Variants in PEAK1 observed in about 807,000 individuals in gnomAD.
PEAK1 encodes inactive tyrosine-protein kinase PEAK1.
In PEAK1, 54 loss-of-function variants were observed where a neutral mutation model predicts 124.7. The observed-to-expected ratio is 0.43, with a 90% CI of 0.35 to 0.54. The LOEUF (loss-of-function observed/expected upper bound fraction) is 0.54, where lower values mean the gene tolerates loss of function less well. PEAK1 is among the 20% of genes least tolerant of loss of function. PEAK1 has a pLI of 0.01. For synonymous variants in PEAK1, 719 were observed against 760.0 expected (o/e 0.95, Z 0.89); for missense variants, 2,046 against 2,134.5 (o/e 0.96, Z 0.82).
At chr15:77,166,962 C>T (rs1279097154) in intron 7 of PEAK1, among the ~76,000 whole-genome samples, 1 of 152,132 alleles carries the variant, frequency 6.6e-6, no homozygotes, top group Non-Finnish European at 1.5e-5. Context: ...ATTGCAGGTT[C>T]TCAGCTCCCA....
chr15:77,213,395 T>G (rs2058994801), intron 6 of PEAK1, among the ~76,000 whole-genome samples: 2 of 152,170 alleles, frequency 1.3e-5, no homozygotes, highest in Middle Eastern at 3.4e-3. Context: ...AATAAAGGTT[T>G]TGAAAACAGA....
chr15:77,420,743 G>A (rs1177048860), upstream of PEAK1: 7 of 396,732 alleles, frequency 1.8e-5, no homozygotes, highest in African/African-American at 1.2e-4. Context: ...TGAAGGTACC[G>A]TGGAAAATAT....
chr15:77,367,492 C>CA (rs1430287801), intron 1 of PEAK1, among the ~76,000 whole-genome samples: 24 of 152,128 alleles, frequency 1.6e-4, no homozygotes, highest in African/African-American at 5.6e-4. Flanking sequence ...CAAAACCCCT[C>CA]AAACTGTACT....
chr15:77,392,383 G>C (rs899829256), intron 1 of PEAK1, among the ~76,000 whole-genome samples: 3 of 152,082 alleles, frequency 2.0e-5, no homozygotes, highest in Non-Finnish European at 2.9e-5. Context: ...GTAAAATATA[G>C]CAAGAGAACA....
chr15:77,114,787 C>T lies in PEAK1; in HGVS notation c.4610G>A (p.Gly1537Glu). ...YQPGGTAQGF[G>E]PAEPSPTSSY... is the part of the protein sequence containing the mutation. Reference sequence around the variant, plus strand: ...TGAGGTGGGGCTGGGCTCTGCAGGCCCAAAGCCTTGGGCAGTCCCCCCAGG... The same window carrying T: ...TGAGGTGGGGCTGGGCTCTGCAGGCTCAAAGCCTTGGGCAGTCCCCCCAGG... Residue 1537 changes from glycine to glutamate, a missense_variant, in exon 10 of 10, where the codon GGG becomes GAG. Gly to Glu is a moderately conservative substitution (Grantham distance 98). Coordinates refer to ENST00000682557, the MANE Select transcript of PEAK1 (RefSeq NM_001385026.1). 1 of 1,612,848 alleles carries T rather than the reference C, an allele frequency of 6.2e-7. No homozygotes were observed.
At chr15:77,293,859 G>A (rs1216609830) in intron 2 of PEAK1, among the ~76,000 whole-genome samples, 3 of 151,984 alleles carry the variant, frequency 2.0e-5, no homozygotes, top group Non-Finnish European at 4.4e-5. Context: ...TAAAAAACAG[G>A]GCATTATTTT....
Position 77,179,612 on chromosome 15 carries a change from G to A in PEAK1, c.2315C>T (p.Ala772Val). The A allele has an allele frequency of 6.2e-7, 1 of 1,614,162 alleles. No individual in the cohort carries two copies. Among genetic ancestry groups the A allele is most frequent in the Non-Finnish European group, 8.5e-7 (1 of 1,180,020 alleles). The change falls in exon 7 of 10, where the codon GCT (alanine) becomes GTT (valine). Residue 772 changes from alanine to valine, a missense_variant. Physicochemically the swap from Ala to Val is moderately conservative, Grantham distance 64. Transcript: ENST00000682557. ...KASTVLSQIV[A>V]SIQPPQSPPE... ...AGGAGACTGTGGGGGTTGGATTGAA[G>A]CCACAATCTGAGAAAGCACTGTGCT...
chr15:77,296,869 A>G (rs2152986243), intron 2 of PEAK1, among the ~76,000 whole-genome samples: 1 of 151,874 alleles, frequency 6.6e-6, no homozygotes, highest in South Asian at 2.1e-4. Flanking sequence ...GAACGAGACA[A>G]AGGAGGGACA....
chr15:77,109,240 G>C lies in PEAK1; in HGVS notation c.*4916C>G, dbSNP rs528225036. On this transcript the variant is annotated 3_prime_UTR_variant, in exon 10 of 10. Transcript: ENST00000682557. Reference sequence around the variant, plus strand: ...AGCTGAGGTTTGGGCAATAGCCACAGTCATGTCAAGGGGACATGGAAGAGA... The same window carrying C: ...AGCTGAGGTTTGGGCAATAGCCACACTCATGTCAAGGGGACATGGAAGAGA... 5.9e-5 allele frequency: 9 copies of C among 152,322 alleles called. 1 individual carries two copies. The South Asian group carries it at 1.7e-3, about 28-fold the overall frequency. 9.4% of individuals were successfully genotyped at this position (152,322 alleles called of 1,614,324 possible). A position where few individuals can be genotyped will look rare whatever the true frequency, so the allele number is the denominator to read the frequency against.
chr15:77,236,268 G>A (rs1271513252), intron 6 of PEAK1, among the ~76,000 whole-genome samples: 3 of 152,166 alleles, frequency 2.0e-5, no homozygotes, highest in Non-Finnish European at 2.9e-5. Flanking sequence ...CAGCTGGGAC[G>A]GGGACTGTAC....
chr15:77,167,517 G>A (rs772877449), intron 7 of PEAK1, among the ~76,000 whole-genome samples: 6 of 152,184 alleles, frequency 3.9e-5, no homozygotes, highest in Non-Finnish European at 4.4e-5. Flanking sequence ...AAATGTGTCA[G>A]CAAATGTAGA....
chr15:77,179,931 C>T lies in PEAK1; in HGVS notation c.1996G>A (p.Glu666Lys). 6.2e-7 allele frequency: 1 copy of T among 1,614,112 alleles called. No individual in the cohort carries two copies. Among genetic ancestry groups the T allele is most frequent in the Non-Finnish European group, 8.5e-7 (1 of 1,179,994 alleles). Residue 666 changes from glutamate to lysine, a missense_variant, in exon 7 of 10, where the codon GAA becomes AAA. Coordinates refer to ENST00000682557, the MANE Select transcript of PEAK1 (RefSeq NM_001385026.1). ...ACTTTGCTTTCTGTTTCTATTTCTTCATAAGTATGGCTTATTACACTTGTG... is the reference window on the plus strand; with the variant it reads ...ACTTTGCTTTCTGTTTCTATTTCTTTATAAGTATGGCTTATTACACTTGTG... ...KTTSVISHTY[E>K]EIETESKVPD...
At chr15:77,273,896 C>G (rs2062168257) in intron 5 of PEAK1, among the ~76,000 whole-genome samples, 1 of 152,076 alleles carries the variant, frequency 6.6e-6, no homozygotes, top group African/African-American at 2.4e-5. Flanking sequence ...AGGCCATAGT[C>G]ACCAAAACAG....
intron 9 of PEAK1, among the ~76,000 whole-genome samples, chr15:77,129,027 C>T (rs539820157): frequency 3.5e-4 from 54 of 152,134 alleles, no homozygotes; most frequent in Admixed American, 7.9e-4. Flanking sequence ...TGAGACAGTA[C>T]CTACAAAGAG....
chr15:77,223,886 A>ATTTTTTTTTTTTTTTTTTTTT (rs10719377), intron 6 of PEAK1, among the ~76,000 whole-genome samples: 1 of 121,608 alleles, frequency 8.2e-6, no homozygotes, highest in Non-Finnish European at 1.7e-5. Context: ...CATTTGAGAG[A>ATTTTTTTTTTTTTTTTTTTTT]TTTTTTTTTT....
At chr15:77,124,661 C>G (rs779396095) in intron 9 of PEAK1, among the ~76,000 whole-genome samples, 1 of 152,198 alleles carries the variant, frequency 6.6e-6, no homozygotes, top group African/African-American at 2.4e-5. Context: ...TCCTTGCTTC[C>G]AGTCCTTCTG....
rs544147987 is a variant in PEAK1, at chr15:77,337,554, G to C, written c.-603+27609C>G. On this transcript the variant is annotated intron_variant, in intron 2 of 9. Transcript: ENST00000682557. ...ACAGAAGATAAGATGTAGTCTGGCA[G>C]AGATTCCACACCAACAGAATTTTTA... is the stretch of plus-strand genomic sequence containing the variant. The C allele has an allele frequency of 6.1e-6, 6 of 984,930 alleles. No individual in the cohort carries two copies. The East Asian group carries it at 3.4e-4, about 56-fold the overall frequency. The allele number at this position is 984,930 out of a possible 1,614,324, so 61.0% of individuals were successfully genotyped here. A position where few individuals can be genotyped will look rare whatever the true frequency, so the allele number is the denominator to read the frequency against.
Position 77,115,197 on chromosome 15 carries a change from G to A in PEAK1, c.4200C>T (p.Asn1400=). The A allele has an allele frequency of 6.2e-7, 1 of 1,614,194 alleles. No homozygotes were observed. The highest frequency in any genetic ancestry group is 8.5e-7 in the Non-Finnish European group (1 of 1,180,040). The change falls in exon 10 of 10, where the codon AAC becomes AAT. Residue 1400 remains asparagine (N), a synonymous_variant. Coordinates refer to ENST00000682557, the MANE Select transcript of PEAK1 (RefSeq NM_001385026.1). ...DCGHFLAEVP[N]RLLPWEDPDD... ...CTGGATCCTCCCAGGGAAGCAGACG[G>A]TTAGGGACTTCAGCAAGGAAATGAC...
At chr15:77,387,824 C>T (rs796905082) in intron 1 of PEAK1, among the ~76,000 whole-genome samples, 38 of 152,234 alleles carry the variant, frequency 2.5e-4, no homozygotes, top group African/African-American at 8.7e-4. Flanking sequence ...GGAAGAACTA[C>T]CAGACTTGGT....
Sources: gnomAD v4.1 joint callset for allele counts (sites outside exome capture counted in the v4.1 genomes callset) on GRCh38, gnomAD v4.1.1 for gene constraint, MANE v1.5 for transcripts, NCBI Gene and HGNC (gene_info 2026-07-23, HGNC 2026-07-21) for gene names.